Variants in CLHC1 observed in about 807,000 individuals in gnomAD.
The protein encoded by CLHC1 is clathrin heavy chain linker domain containing 1.
CLHC1 carries 72 observed loss-of-function variants against 69.5 expected under a neutral mutation model. The observed-to-expected ratio is 1.04, with a 90% CI of 0.86 to 1.26. The LOEUF (loss-of-function observed/expected upper bound fraction) is 1.26. Ranked by LOEUF, CLHC1 falls within the 50% of genes most tolerant of loss-of-function variation. The probability of loss-of-function intolerance (pLI) is 0.00; values close to 1 mark genes in which losing one functional copy is unlikely to be tolerated. For missense variants in CLHC1, 790 were observed against 679.3 expected, an observed-to-expected ratio of 1.16 and a Z score of -1.81; for synonymous variants, 223 against 224.3, an observed-to-expected ratio of 0.99 and a Z score of 0.05.
Position 55,181,689 on chromosome 2 carries a change from G to C in CLHC1, c.1062C>G (p.Leu354=), listed in dbSNP as rs1226007219. The change falls in exon 10 of 13, where the codon CTC becomes CTG. Residue 354 remains leucine, a synonymous_variant. Coordinates refer to ENST00000401408, the MANE Select transcript of CLHC1 (RefSeq NM_152385.4). The part of the protein sequence containing the change: ...PLPLLLFFEA[L]FITSHAFPCP... The stretch of plus-strand genomic sequence containing the variant: ...ATGGAAAAGCATGACTTGTGATAAA[G>C]AGGGCCTCAAAAAATAAGAGTAATG... The C allele has an allele frequency of 1.2e-6, 2 of 1,613,842 alleles. No individual in the cohort carries two copies. Among genetic ancestry groups the C allele is most frequent in the Non-Finnish European group, 1.7e-6 (2 of 1,179,874 alleles).
In CLHC1 at chr2:55,203,115, G is replaced by C. The variant is rs72916760; in HGVS notation, c.1006+3155C>G. 8.7e-3 allele frequency among the ~76,000 whole-genome samples: 1,317 copies of C among 152,098 alleles called. 26 individuals carry two copies. The highest frequency in any genetic ancestry group is 0.03 in the African/African-American group (1,250 of 41,486). The stretch of plus-strand genomic sequence containing the variant: ...TAGAATTAACCAAAGCACTGAAACA[G>C]CTCTACAATTAAAACTATAAAACAC... On this transcript the variant is annotated intron_variant, in intron 9 of 12. Coordinates refer to ENST00000401408, the MANE Select transcript of CLHC1 (RefSeq NM_152385.4).
intron 9 of CLHC1, among the ~76,000 whole-genome samples, chr2:55,202,164 C>T (rs1442295303): frequency 7.0e-6 from 1 of 142,008 alleles, no homozygotes; most frequent in Non-Finnish European, 1.5e-5. Context: ...CTAGTTAAAG[C>T]AATCAGACAA....
chr2:55,198,040 G>A (rs1052317568), intron 9 of CLHC1, among the ~76,000 whole-genome samples: 3 of 152,170 alleles, frequency 2.0e-5, no homozygotes, highest in African/African-American at 7.2e-5. Flanking sequence ...AAATTCTGGA[G>A]TTGAAAAATG....
chr2:55,214,527 A>G (rs1274401547), intron 4 of CLHC1: 3 of 152,270 alleles, frequency 2.0e-5, no homozygotes, highest in Non-Finnish European at 2.9e-5. Context: ...AATAAAATAA[A>G]AAACGAGTTT....
intron 9 of CLHC1, among the ~76,000 whole-genome samples, chr2:55,184,962 A>ACACAC (rs5831342): frequency 2.8e-5 from 4 of 141,652 alleles, no homozygotes; most frequent in African/African-American, 7.7e-5. Context: ...ACACACACAC[A>ACACAC]AAGATTTCCT....
chr2:55,232,345 T>G (rs1301505397), upstream of CLHC1: 5 of 251,912 alleles, frequency 2.0e-5, no homozygotes, highest in African/African-American at 6.7e-5. Context: ...AAGAAAGCAG[T>G]GGAGAACTAC....
At chr2:55,217,214 A>G (rs1297102871) in intron 4 of CLHC1, among the ~76,000 whole-genome samples, 1 of 150,016 alleles carries the variant, frequency 6.7e-6, no homozygotes, top group African/African-American at 2.5e-5. Context: ...AAAGACTATA[A>G]CTGCCCACTC....
chr2:55,209,277 A>G, intron 7 of CLHC1, 127 bp downstream of exon 7: 1 of 628,940 alleles, frequency 1.6e-6, no homozygotes. Flanking sequence ...CCCATAGCGT[A>G]ACAGACAACC....
At chr2:55,181,443 G>T (rs1314788438) in intron 10 of CLHC1, 127 bp downstream of exon 10, 1 of 744,766 alleles carries the variant, frequency 1.3e-6, no homozygotes, top group Non-Finnish European at 2.1e-6. Context: ...AACACTTTCT[G>T]ATTAATTGCA....
chr2:55,207,860 C>T (rs1468238036), intron 8 of CLHC1, among the ~76,000 whole-genome samples: 2 of 152,088 alleles, frequency 1.3e-5, no homozygotes, highest in Non-Finnish European at 2.9e-5. Context: ...CACAGAATAA[C>T]ATTTTGTTAA....
At chr2:55,224,382 C>G (rs1464018186) in intron 2 of CLHC1, 2 of 440,218 alleles carry the variant, frequency 4.5e-6, no homozygotes, top group Non-Finnish European at 4.6e-6. Context: ...TCCCCCGACA[C>G]CCAGTGGATG....
chr2:55,195,313 C>T (rs1157224856), intron 9 of CLHC1, among the ~76,000 whole-genome samples: 3 of 152,090 alleles, frequency 2.0e-5, no homozygotes, highest in African/African-American at 7.2e-5. Context: ...GCTTAGTTCA[C>T]TTAGTATAAT....
At chr2:55,178,979 A>C (rs1350040890) in intron 11 of CLHC1, among the ~76,000 whole-genome samples, 1 of 151,334 alleles carries the variant, frequency 6.6e-6, no homozygotes, top group African/African-American at 2.4e-5. Context: ...CCCAGGCAGG[A>C]ATGCAGTGCC....
At chr2:55,186,985 G>C (rs772761456) in intron 9 of CLHC1, among the ~76,000 whole-genome samples, 12 of 151,900 alleles carry the variant, frequency 7.9e-5, no homozygotes, top group Non-Finnish European at 1.0e-4. Flanking sequence ...AAAAAAATAA[G>C]GCCAGGCGCG....
At chr2:55,177,230 A>G (rs1313529850) in intron 12 of CLHC1, among the ~76,000 whole-genome samples, 16 of 152,198 alleles carry the variant, frequency 1.1e-4, no homozygotes, top group Non-Finnish European at 1.5e-5. Flanking sequence ...AACATATGTA[A>G]ATACACATAC....
intron 11 of CLHC1, 100 bp from the exon 12 acceptor site, chr2:55,177,881 T>A (rs746077380): frequency 1.2e-6 from 1 of 820,884 alleles, no homozygotes; most frequent in Non-Finnish European, 1.8e-6. Flanking sequence ...TCAACAGTTT[T>A]TCTAATCCTT....
chr2:55,217,748 C>T, intron 4 of CLHC1, 63 bp downstream of exon 4: 1 of 1,020,024 alleles, frequency 9.8e-7, no homozygotes. Flanking sequence ...TAGAGTTACA[C>T]TGGCTAGTTA....
chr2:55,232,300 T>G, upstream of CLHC1: 1 of 201,600 alleles, frequency 5.0e-6, no homozygotes, highest in Non-Finnish European at 1.0e-5. Flanking sequence ...ATCTGGGAGG[T>G]GGAACTGCAT....
intron 9 of CLHC1, among the ~76,000 whole-genome samples, chr2:55,182,062 C>G (rs1209724180): frequency 1.3e-5 from 2 of 151,940 alleles, no homozygotes; most frequent in Non-Finnish European, 2.9e-5. Context: ...GGAATGAACC[C>G]TTGACACCAT....
Sources: gnomAD v4.1 joint callset for allele counts (sites outside exome capture counted in the v4.1 genomes callset) on GRCh38, gnomAD v4.1.1 for gene constraint, MANE v1.5 for transcripts, NCBI Gene and HGNC (gene_info 2026-07-23, HGNC 2026-07-21) for gene names.